ATP2C1: variants seen among roughly 807,000 people sequenced by gnomAD.
ATP2C1 encodes the protein ATPase secretory pathway Ca2+ transporting 1.
In ATP2C1, 31 loss-of-function variants were observed where a neutral mutation model predicts 120.5. That is an observed-to-expected ratio of 0.26 (90% CI 0.19 to 0.35). The LOEUF is 0.35. Ranked by LOEUF, ATP2C1 falls within the 10% of genes least tolerant of loss-of-function variation. The pLI is 1.00. For missense variants in ATP2C1, 731 were observed against 1,107.5 expected, an observed-to-expected ratio of 0.66 and a Z score of 4.83; for synonymous variants, 351 against 358.7, an observed-to-expected ratio of 0.98 and a Z score of 0.24.
chr3:130,990,275 C>CG lies in ATP2C1; in HGVS notation c.1840-2676_1840-2675insG, dbSNP rs999799381. 1.7e-4 allele frequency among the ~76,000 whole-genome samples: 22 copies of CG among 130,514 alleles called. 1 individual carries two copies. The highest frequency in any genetic ancestry group is 6.0e-4 in the African/African-American group (22 of 36,528). 85.6% of individuals were successfully genotyped at this position (130,514 alleles called of 152,430 possible). On this transcript the variant is annotated intron_variant, in intron 20 of 27. Transcript: ENST00000510168. ...GTTAAATAAGTGCTTAAGAGCAACC[C>CG]CCCCCCCCACAAAAAAAGGCAAAAT...
intron 2 of ATP2C1, among the ~76,000 whole-genome samples, chr3:130,896,487 T>A (rs554603237): frequency 2.4e-4 from 36 of 152,208 alleles, no homozygotes; most frequent in African/African-American, 7.2e-4. Flanking sequence ...CATTTTTTTT[T>A]ATATATAAAC....
chr3:130,892,178 A>G (rs2069193730), upstream of ATP2C1, among the ~76,000 whole-genome samples: 1 of 152,264 alleles, frequency 6.6e-6, no homozygotes, highest in Non-Finnish European at 1.5e-5. Context: ...AAGTTGCTTT[A>G]GAAAAATGTT....
At chr3:130,957,253 T>C (rs541379923) in intron 11 of ATP2C1, among the ~76,000 whole-genome samples, 1 of 152,324 alleles carries the variant, frequency 6.6e-6, no homozygotes, top group South Asian at 2.1e-4. Flanking sequence ...TCCTAAAGAT[T>C]TTCCCAACCT....
chr3:130,856,021 C>G (rs376382007), intron 1 of ATP2C1: 3 of 151,840 alleles, frequency 2.0e-5, no homozygotes, highest in East Asian at 1.9e-4. Context: ...AAGGGCTGAT[C>G]TGACAAGTCT....
At chr3:130,943,389 G>A (rs1342765435) in intron 8 of ATP2C1, among the ~76,000 whole-genome samples, 1 of 151,906 alleles carries the variant, frequency 6.6e-6, no homozygotes, top group Non-Finnish European at 1.5e-5. Context: ...TAATTTTTTA[G>A]TATTTTTAGT....
At chr3:130,941,069 C>T (rs1049217450) in intron 7 of ATP2C1, among the ~76,000 whole-genome samples, 4 of 151,820 alleles carry the variant, frequency 2.6e-5, no homozygotes, top group African/African-American at 9.7e-5. Flanking sequence ...TGCCTGCCAC[C>T]ACGCCCAGAT....
chr3:130,866,612 C>T (rs1576542035), intron 1 of ATP2C1, among the ~76,000 whole-genome samples: 1 of 152,304 alleles, frequency 6.6e-6, no homozygotes, highest in African/African-American at 2.4e-5. Context: ...TGTTCTTATT[C>T]TCTCAAACTG....
chr3:130,894,165 C>CCCAAAA lies in ATP2C1; in HGVS notation c.-352_-351insCAAAAC. On this transcript the variant is annotated 5_prime_UTR_variant, in exon 1 of 28. Transcript: ENST00000510168. This position sits in a 1 kb window ranked among gnomAD's most constrained non-coding sequence, Gnocchi z 4.5. ...CCTCTTCTCTCCCCTCCCCGCCCGC[C>CCCAAAA]CTCTCTCCCTCCCTTCCTCCCTCCC... The CCCAAAA allele has an allele frequency of 2.4e-6, 2 of 826,300 alleles. No individual in the cohort carries two copies. The highest frequency in any genetic ancestry group is 2.9e-6 in the Non-Finnish European group (2 of 684,806). 51.2% of individuals were successfully genotyped at this position (826,300 alleles called of 1,614,324 possible). A position where few individuals can be genotyped will look rare whatever the true frequency, so the allele number is the denominator to read the frequency against.
Position 131,002,113 on chromosome 3 carries a change from C to T in ATP2C1, c.*763C>T. Reference sequence around the variant, plus strand: ...ACAGTGTCCATAATTAACGCTTAGTCATAGAGTCAAAAACATTTAAGACTG... The same window carrying T: ...ACAGTGTCCATAATTAACGCTTAGTTATAGAGTCAAAAACATTTAAGACTG... On this transcript the variant is annotated 3_prime_UTR_variant, in exon 28 of 28. Transcript: ENST00000510168. 1 of 985,334 alleles carries T rather than the reference C, an allele frequency of 1.0e-6. No homozygotes were observed. The highest frequency in any genetic ancestry group is 1.2e-6 in the Non-Finnish European group (1 of 829,812). The allele number at this position is 985,334 out of a possible 1,614,324, so 61.0% of individuals were successfully genotyped here.
Position 130,956,096 on chromosome 3 carries a change from T to A in ATP2C1, c.757-8T>A, listed in dbSNP as rs777622781. 6.3e-7 allele frequency: 1 copy of A among 1,597,674 alleles called. No individual in the cohort carries two copies. The highest frequency in any genetic ancestry group is 2.2e-5 in the East Asian group (1 of 44,702). On this transcript the variant is annotated splice_polypyrimidine_tract_variant and splice_region_variant and intron_variant, in intron 10 of 27. Coordinates refer to ENST00000510168, the MANE Select transcript of ATP2C1 (RefSeq NM_001378687.1). Reference sequence around the variant, plus strand: ...AATTGTGGTGACACTCTTCTTCAATTTATCAAGGCACCAAAAACCCCTCTG... The same window carrying A: ...AATTGTGGTGACACTCTTCTTCAATATATCAAGGCACCAAAAACCCCTCTG...
chr3:130,985,213 G>C (rs1417948057), intron 20 of ATP2C1, among the ~76,000 whole-genome samples: 1 of 152,152 alleles, frequency 6.6e-6, no homozygotes, highest in Non-Finnish European at 1.5e-5. Context: ...AAACAAATTA[G>C]AATCCTTTAA....
At chr3:130,872,524 C>T (rs532417288) in intron 1 of ATP2C1, among the ~76,000 whole-genome samples, 1 of 151,540 alleles carries the variant, frequency 6.6e-6, no homozygotes, top group Non-Finnish European at 1.5e-5. Context: ...TTTACCAGTA[C>T]TATGCCTATC....
At chr3:130,867,732 C>T (rs1209654578) in intron 1 of ATP2C1, among the ~76,000 whole-genome samples, 21 of 122,168 alleles carry the variant, frequency 1.7e-4, no homozygotes, top group Non-Finnish European at 3.5e-4. Flanking sequence ...AAGTGAGGAG[C>T]GTCTCTGCTT....
chr3:130,879,026 T>C (rs983949953), intron 1 of ATP2C1, among the ~76,000 whole-genome samples: 4 of 152,182 alleles, frequency 2.6e-5, no homozygotes, highest in African/African-American at 9.7e-5. Context: ...TATATAAGTA[T>C]TGTTTATTTC....
At chr3:130,982,185 ATT>A (rs2061797372) in intron 20 of ATP2C1, among the ~76,000 whole-genome samples, 1 of 152,044 alleles carries the variant, frequency 6.6e-6, no homozygotes, top group Non-Finnish European at 1.5e-5. Flanking sequence ...TTTTGAGTGT[ATT>A]TTTTTGTATA....
intron 26 of ATP2C1, chr3:131,015,901 AC>A: frequency 1.6e-6 from 1 of 611,264 alleles, no homozygotes; most frequent in South Asian, 1.7e-5. Flanking sequence ...ACTTAAAGGA[AC>A]TGATTTTTTA....
chr3:131,007,231 A>G (rs2109005761), downstream of ATP2C1, among the ~76,000 whole-genome samples: 1 of 152,316 alleles, frequency 6.6e-6, no homozygotes, highest in South Asian at 2.1e-4. Context: ...ACGTGAACAT[A>G]TATGATGTAA....
chr3:130,923,654 G>A (rs2059067609), intron 2 of ATP2C1, among the ~76,000 whole-genome samples: 1 of 151,704 alleles, frequency 6.6e-6, no homozygotes, highest in Admixed American at 6.6e-5. Context: ...GATTGCTTGA[G>A]GTCAGGAGTT....
chr3:131,014,256 T>C (rs2063474530), intron 26 of ATP2C1: 1 of 1,614,082 alleles, frequency 6.2e-7, no homozygotes, highest in Admixed American at 1.7e-5. Context: ...AGCGGGGGCA[T>C]ATGACCTTGT....
Sources: gnomAD v4.1 joint callset for allele counts (sites outside exome capture counted in the v4.1 genomes callset) on GRCh38, gnomAD v4.1.1 for gene constraint, Gnocchi (gnomAD v3.1) non-coding constraint, MANE v1.5 for transcripts, NCBI Gene and HGNC (gene_info 2026-07-23, HGNC 2026-07-21) for gene names.